ZFC3H1: variants seen among roughly 807,000 people sequenced by gnomAD.
The protein encoded by ZFC3H1 is zinc finger C3H1 domain-containing protein.
Under a neutral mutation model 243.7 loss-of-function variants are expected in ZFC3H1, and 71 were observed. The observed-to-expected ratio is 0.29, with a 90% confidence interval of 0.24 to 0.36. The LOEUF is 0.36. Ranked by LOEUF, ZFC3H1 falls within the 10% of genes least tolerant of loss-of-function variation. The probability of loss-of-function intolerance (pLI) is 1.00; values close to 1 mark genes in which losing one functional copy is unlikely to be tolerated. For missense variants in ZFC3H1, 1,966 were observed against 2,317.1 expected (o/e 0.85, Z 3.11); for synonymous variants, 838 against 813.0 (o/e 1.03, Z -0.52).
intron 20 of ZFC3H1, 88 bp from the exon 21 acceptor site, chr12:71,628,022 T>C: frequency 7.6e-7 from 1 of 1,310,884 alleles, no homozygotes. Context: ...ATCTTTAAAG[T>C]AACTTAAAAA....
At chr12:71,647,724 A>C (rs1469124853) in intron 3 of ZFC3H1, 25 bp downstream of exon 3, 1 of 1,354,552 alleles carries the variant, frequency 7.4e-7, no homozygotes, top group Non-Finnish European at 1.0e-6. Context: ...TACAGAGATG[A>C]TAGTCTCACA....
chr12:71,616,662 T>G (rs1366173427), intron 27 of ZFC3H1, among the ~76,000 whole-genome samples: 1 of 152,196 alleles, frequency 6.6e-6, no homozygotes, highest in East Asian at 1.9e-4. Flanking sequence ...GGAAATACAT[T>G]GATCGCAAAA....
intron 32 of ZFC3H1, 44 bp downstream of exon 32, chr12:71,611,742 T>G (rs753661230): frequency 1.5e-6 from 2 of 1,293,218 alleles, no homozygotes; most frequent in Non-Finnish European, 1.1e-6. Context: ...ACCTTATAAA[T>G]AAAAGCAATA....
chr12:71,637,958 A>G (rs544974132), intron 7 of ZFC3H1, among the ~76,000 whole-genome samples: 9 of 150,664 alleles, frequency 6.0e-5, no homozygotes, highest in South Asian at 2.1e-4. Flanking sequence ...GATGGGGGGG[A>G]AAAGAAATTA....
chr12:71,654,128 T>A lies in ZFC3H1; in HGVS notation c.1015+2757A>T, dbSNP rs184411875. ...TTTCCACCCAGCAAAAACACATTTT[T>A]AAAAAAAAAGTCTAAAGAATGTATT... On this transcript the variant is annotated intron_variant, in intron 2 of 34. Transcript: ENST00000378743. Among the ~76,000 whole-genome samples the A allele has an allele frequency of 3.4e-4, 52 of 151,220 alleles. No homozygotes were observed. The South Asian group carries it at 4.0e-3, about 12-fold the overall frequency.
Position 71,609,901 on chromosome 12 carries a change from G to A in ZFC3H1, c.*527C>T, listed in dbSNP as rs1002840994. 1.3e-5 allele frequency: 2 copies of A among 152,622 alleles called. No individual in the cohort carries two copies. The highest frequency in any genetic ancestry group is 4.8e-5 in the African/African-American group (2 of 41,412). The allele number at this position is 152,622 out of a possible 1,614,324, so 9.5% of individuals were successfully genotyped here. On this transcript the variant is annotated 3_prime_UTR_variant, in exon 35 of 35. Coordinates refer to ENST00000378743, the MANE Select transcript of ZFC3H1 (RefSeq NM_144982.5). ...TTCAAGTGCAACTAGCAGACTTGTG[G>A]CCATGGCAGTTACACTTTCCTTAAG... is the stretch of plus-strand genomic sequence containing the variant.
chr12:71,654,545 T>A (rs984291920), intron 2 of ZFC3H1, among the ~76,000 whole-genome samples: 1 of 152,036 alleles, frequency 6.6e-6, no homozygotes. Flanking sequence ...TAAGCAAATA[T>A]CATTCTTTGT....
intron 2 of ZFC3H1, chr12:71,656,296 ATTATATC>A (rs1023834975): frequency 5.6e-5 from 20 of 358,848 alleles, no homozygotes; most frequent in Admixed American, 4.4e-5. Context: ...CTGTATATAA[ATTATATC>A]TTAATAAAGA....
rs756503312 is a variant in ZFC3H1 at position 71,611,934 on chromosome 12, G to T, written c.5628-47C>A. 20 of 1,254,578 alleles carry T rather than the reference G, an allele frequency of 1.6e-5. No individual in the cohort carries two copies. In the African/African-American group the frequency reaches 2.9e-4, roughly 18 times the overall value. 77.7% of individuals were successfully genotyped at this position (1,254,578 alleles called of 1,614,324 possible). A position where few individuals can be genotyped will look rare whatever the true frequency, so the allele number is the denominator to read the frequency against. On this transcript the variant is annotated intron_variant, in intron 31 of 34. Transcript: ENST00000378743. ...ATGAACAAAGCATTGCAAGTGTAAC[G>T]AACCCCAAATGTGCTCTATGAGCAC...
Position 71,631,800 on chromosome 12 carries a change from G to T in ZFC3H1, c.3448C>A (p.Leu1150Ile). Residue 1150 changes from leucine (L) to isoleucine (I), a missense_variant, in exon 16 of 35, where the codon CTT becomes ATT. Physicochemically the swap from Leu to Ile is conservative, Grantham distance 5 (BLOSUM62 2). Transcript: ENST00000378743. ...TACCTGTAGGACTTAAAAACTAGAA[G>T]AGGACTATGGTAGGGTCTAAAAGGA... ...PCPFRPYHSP[L>I]LVFKSYRFSP... 1 of 1,609,826 alleles carries T rather than the reference G, an allele frequency of 6.2e-7. No individual in the cohort carries two copies. The highest frequency in any genetic ancestry group is 1.1e-5 in the South Asian group (1 of 89,932).
intron 1 of ZFC3H1, among the ~76,000 whole-genome samples, chr12:71,658,762 C>A (rs772331761): frequency 1.2e-4 from 18 of 152,168 alleles, no homozygotes; most frequent in Non-Finnish European, 1.8e-4. Flanking sequence ...ATAAGTACAT[C>A]TGAAAATCTT....
chr12:71,619,956 A>T lies in ZFC3H1; in HGVS notation c.5019T>A (p.Phe1673Leu). The T allele has an allele frequency of 6.3e-7, 1 of 1,597,820 alleles. No individual in the cohort carries two copies. Among genetic ancestry groups the T allele is most frequent in the Non-Finnish European group, 8.5e-7 (1 of 1,170,288 alleles). ...FEKNPQNAEV[F>L]YHMCKFFILQ... ...AGATGAAGAATTTGCACATATGATA[A>T]AAAACCTCTGCATTCTGAGGATTTT... The change falls in exon 26 of 35, where the codon TTT (phenylalanine) becomes TTA (leucine). Residue 1673 changes from phenylalanine to leucine, a missense_variant. Coordinates refer to ENST00000378743, the MANE Select transcript of ZFC3H1 (RefSeq NM_144982.5).
intron 33 of ZFC3H1, 23 bp from the exon 34 acceptor site, chr12:71,610,780 A>C (rs755884775): frequency 6.2e-7 from 1 of 1,600,682 alleles, no homozygotes; most frequent in Non-Finnish European, 8.5e-7. Flanking sequence ...TATACACACA[A>C]TTCCATCAGA....
chr12:71,611,938 C>T (rs1879784609), intron 31 of ZFC3H1, 51 bp from the exon 32 acceptor site: 1 of 1,128,728 alleles, frequency 8.9e-7, no homozygotes, highest in Non-Finnish European at 1.3e-6. Context: ...TGTAACGAAC[C>T]CCAAATGTGC....
Position 71,614,683 on chromosome 12 carries a change from T to C in ZFC3H1, c.5378A>G (p.Asn1793Ser). 1.2e-6 allele frequency: 2 copies of C among 1,606,288 alleles called. No homozygotes were observed. The highest frequency in any genetic ancestry group is 1.7e-6 in the Non-Finnish European group (2 of 1,177,802). The change falls in exon 30 of 35, where the codon AAT becomes AGT. Residue 1793 changes from asparagine to serine, a missense_variant. This residue lies in a region of ZFC3H1 where 1,383 missense variants were observed against 1,723.7 expected (regional missense o/e 0.80). Transcript: ENST00000378743. Reference protein sequence around the residue: ...KIWMDYLVFANNRAAGSRNKV... With the variant: ...KIWMDYLVFASNRAAGSRNKV... Reference sequence around the variant, plus strand: ...GTTTCTGGATCCAGCAGCTCTATTATTTGCAAAGACAAGATAACTGCCAAA... The same window carrying C: ...GTTTCTGGATCCAGCAGCTCTATTACTTGCAAAGACAAGATAACTGCCAAA...
chr12:71,639,052 C>A (rs1880537262), intron 6 of ZFC3H1, among the ~76,000 whole-genome samples: 1 of 152,136 alleles, frequency 6.6e-6, no homozygotes, highest in Non-Finnish European at 1.5e-5. Context: ...ATAAGGTGCA[C>A]ATTTTTTCAC....
intron 2 of ZFC3H1, chr12:71,656,615 T>C: frequency 1.6e-6 from 1 of 611,840 alleles, no homozygotes; most frequent in South Asian, 2.0e-5. Flanking sequence ...ACCATTTTCT[T>C]TAAATTAGGA....
At chr12:71,644,344 T>TA (rs776607811) in intron 4 of ZFC3H1, 26 bp from the exon 5 acceptor site, 1 of 1,599,188 alleles carries the variant, frequency 6.3e-7, no homozygotes, top group South Asian at 1.1e-5. Flanking sequence ...ACATAAACAT[T>TA]AGCATCTGTT....
Position 71,624,233 on chromosome 12 carries a change from C to T in ZFC3H1, c.4377G>A (p.Glu1459=), listed in dbSNP as rs746709401. 23 of 1,613,894 alleles carry T rather than the reference C, an allele frequency of 1.4e-5. No individual in the cohort carries two copies. The South Asian group carries it at 2.1e-4, about 15-fold the overall frequency. The change falls in exon 23 of 35, where the codon GAG becomes GAA. Residue 1459 remains glutamate (E), a synonymous_variant. Transcript: ENST00000378743. ...CCTGCTTGGCTGCTCCCATCAGAAA[C>T]TCCAACATTCTCTCACATACGTAAT... ...EKDYVCERML[E]FLMGAAKQET... is the part of the protein sequence containing the mutation.
Sources: gnomAD v4.1 joint callset for allele counts (sites outside exome capture counted in the v4.1 genomes callset) on GRCh38, gnomAD v4.1.1 for gene constraint, gnomAD v4.1.1 regional missense constraint, MANE v1.5 for transcripts, NCBI Gene and HGNC (gene_info 2026-07-23, HGNC 2026-07-21) for gene names.